Variants in SLC24A2 observed in about 807,000 individuals in gnomAD.
The protein encoded by SLC24A2 is solute carrier family 24 member 2, also known as sodium/potassium/calcium exchanger 2.
In SLC24A2, 36 loss-of-function variants were observed where a neutral mutation model predicts 62.0. The observed-to-expected ratio is 0.58, with a 90% CI of 0.44 to 0.77. The LOEUF is 0.77. Ranked by LOEUF, SLC24A2 falls within the 30% of genes least tolerant of loss-of-function variation. The pLI is 0.00. For synonymous variants in SLC24A2, 358 were observed against 294.0 expected, an observed-to-expected ratio of 1.22 and a Z score of -2.23; for missense variants, 846 against 817.9, an observed-to-expected ratio of 1.03 and a Z score of -0.42.
intron 2 of SLC24A2, among the ~76,000 whole-genome samples, chr9:19,658,050 C>T (rs1818991893): frequency 6.6e-6 from 1 of 152,152 alleles, no homozygotes; most frequent in Non-Finnish European, 1.5e-5. Flanking sequence ...CATAGCATCC[C>T]CCAAACAATG....
chr9:20,189,501 C>A, the SLC24A2 span, among the ~76,000 whole-genome samples: 1 of 152,152 alleles, frequency 6.6e-6, no homozygotes, highest in Non-Finnish European at 1.5e-5. Flanking sequence ...TGGAAGAAAT[C>A]TTAAAGAAAG....
At chr9:19,872,838 T>C in the SLC24A2 span, among the ~76,000 whole-genome samples, 1 of 152,150 alleles carries the variant, frequency 6.6e-6, no homozygotes, top group Non-Finnish European at 1.5e-5. Flanking sequence ...AGCAATTTCA[T>C]AGCAAGTCCT....
At chr9:19,828,425 A>G in the SLC24A2 span, among the ~76,000 whole-genome samples, 4 of 152,232 alleles carry the variant, frequency 2.6e-5, no homozygotes, top group Non-Finnish European at 5.9e-5. Flanking sequence ...TATTACCCAT[A>G]CAACTATTAT....
the SLC24A2 span, among the ~76,000 whole-genome samples, chr9:20,092,524 C>T: frequency 6.6e-6 from 1 of 152,074 alleles, no homozygotes; most frequent in African/African-American, 2.4e-5. Context: ...GATTGGACAC[C>T]TCCGCTACAA....
intron 3 of SLC24A2, 89 bp downstream of exon 3, chr9:19,622,172 T>G: frequency 9.8e-7 from 1 of 1,024,742 alleles, no homozygotes. Context: ...GAGTAATGTG[T>G]TGAGCACACA....
Position 19,588,961 on chromosome 9 carries a change from CA to C in SLC24A2, c.1129+8267del, listed in dbSNP as rs201398211. Reference sequence around the variant, plus strand: ...GGGTGACAGAGTGAGACTCTGTCTCCAAAAAAAAATTTGCTGTCTGAGGCTC... The same window carrying C: ...GGGTGACAGAGTGAGACTCTGTCTCCAAAAAAAATTTGCTGTCTGAGGCTC... On this transcript the variant is annotated intron_variant, in intron 5 of 10. Coordinates refer to ENST00000341998, the MANE Select transcript of SLC24A2 (RefSeq NM_020344.4). 8.1e-4 allele frequency among the ~76,000 whole-genome samples: 122 copies of C among 150,888 alleles called. 1 individual carries two copies. The Middle Eastern group carries it at 0.014, about 17-fold the overall frequency.
chr9:20,199,152 TTC>T, the SLC24A2 span, among the ~76,000 whole-genome samples: 1 of 152,226 alleles, frequency 6.6e-6, no homozygotes. Flanking sequence ...TTTATTTTTT[TTC>T]TCTCTCCAGT....
chr9:20,221,775 C>A, the SLC24A2 span, among the ~76,000 whole-genome samples: 1 of 152,026 alleles, frequency 6.6e-6, no homozygotes, highest in African/African-American at 2.4e-5. Context: ...AGAATAATAT[C>A]TTCAGTGCTG....
At chr9:19,961,610 C>A in the SLC24A2 span, among the ~76,000 whole-genome samples, 30 of 152,174 alleles carry the variant, frequency 2.0e-4, no homozygotes, top group Non-Finnish European at 1.8e-4. Context: ...CCCAATACTT[C>A]CTGGTATTCA....
At chr9:20,234,819 C>T in the SLC24A2 span, among the ~76,000 whole-genome samples, 3,260 of 152,236 alleles carry the variant, frequency 0.021, 128 homozygotes, top group African/African-American at 0.073. Context: ...TTAGAGTGTC[C>T]AGTTTTTCTG....
intron 9 of SLC24A2, among the ~76,000 whole-genome samples, chr9:19,524,601 T>A (rs917246860): frequency 6.6e-6 from 1 of 152,154 alleles, no homozygotes; most frequent in African/African-American, 2.4e-5. Flanking sequence ...AACAACAGAA[T>A]TAGAGCTAGA....
intron 5 of SLC24A2, among the ~76,000 whole-genome samples, chr9:19,590,188 C>CA (rs1396020373): frequency 6.6e-6 from 1 of 152,012 alleles, no homozygotes; most frequent in East Asian, 1.9e-4. Flanking sequence ...AAAACATTTT[C>CA]AAATTGTTTC....
chr9:20,213,536 CT>C, the SLC24A2 span, among the ~76,000 whole-genome samples: 1 of 152,014 alleles, frequency 6.6e-6, no homozygotes, highest in African/African-American at 2.4e-5. Context: ...TAAAATAATA[CT>C]TTTGAAAGTT....
rs138109242 is a variant in SLC24A2, at chr9:19,659,591, T to A, written c.931-37292A>T. Among the ~76,000 whole-genome samples the A allele has an allele frequency of 2.2e-3, 341 of 152,270 alleles. 4 individuals carry two copies. Among genetic ancestry groups the A allele is most frequent in the African/African-American group, 7.3e-3 (305 of 41,550 alleles). On this transcript the variant is annotated intron_variant, in intron 2 of 10. Transcript: ENST00000341998. ...CGCTTATCCTTTATAATAATACTAA[T>A]AACAATCATGGGTAAAACTTACATA... is the stretch of plus-strand genomic sequence containing the variant.
chr9:20,035,493 C>T, the SLC24A2 span, among the ~76,000 whole-genome samples: 5 of 152,274 alleles, frequency 3.3e-5, no homozygotes, highest in Non-Finnish European at 5.9e-5. Flanking sequence ...GTGGCTCACA[C>T]CTATAATCCC....
the SLC24A2 span, among the ~76,000 whole-genome samples, chr9:20,109,970 C>T: frequency 6.6e-6 from 1 of 152,104 alleles, no homozygotes. Flanking sequence ...CAGTTATTGT[C>T]TTCTTTTTAC....
intron 2 of SLC24A2, among the ~76,000 whole-genome samples, chr9:19,754,747 A>G (rs902929832): frequency 6.6e-6 from 1 of 151,954 alleles, no homozygotes; most frequent in Admixed American, 6.6e-5. Flanking sequence ...TGCAACTCCA[A>G]GCTTCTTTTA....
At chr9:19,907,915 T>C in the SLC24A2 span, among the ~76,000 whole-genome samples, 1 of 151,958 alleles carries the variant, frequency 6.6e-6, no homozygotes, top group East Asian at 1.9e-4. Flanking sequence ...CTGCCCAAGG[T>C]AATTTATAGA....
the SLC24A2 span, among the ~76,000 whole-genome samples, chr9:19,869,127 A>G: frequency 1.3e-5 from 2 of 152,074 alleles, no homozygotes; most frequent in African/African-American, 2.4e-5. Context: ...GACCAAAGGC[A>G]TGTACCACCA....
Sources: allele counts gnomAD v4.1 joint callset (sites outside exome capture counted in the v4.1 genomes callset), GRCh38; gene constraint gnomAD v4.1.1; transcripts MANE v1.5; gene names NCBI Gene and HGNC (gene_info 2026-07-23, HGNC 2026-07-21).